Variants in PTPRN2 observed in about 807,000 individuals in gnomAD.
The protein encoded by PTPRN2 is protein tyrosine phosphatase receptor type N2.
PTPRN2 carries 74 observed loss-of-function variants against 118.8 expected under a neutral mutation model. The observed-to-expected ratio is 0.62, with a 90% CI of 0.52 to 0.76. PTPRN2 has a LOEUF of 0.76. Ranked by LOEUF, PTPRN2 falls within the 30% of genes least tolerant of loss-of-function variation. The pLI is 0.00. For synonymous variants in PTPRN2, 641 were observed against 608.0 expected, an observed-to-expected ratio of 1.05 and a Z score of -0.80; for missense variants, 1,481 against 1,394.4, an observed-to-expected ratio of 1.06 and a Z score of -0.99.
In PTPRN2 at chr7:157,764,107, T is replaced by C. The variant is rs1802306250; in HGVS notation, c.1789-81170A>G. Among the ~76,000 whole-genome samples the C allele has an allele frequency of 6.6e-6, 1 of 152,128 alleles. No individual in the cohort carries two copies. The highest frequency in any genetic ancestry group is 2.4e-5 in the African/African-American group (1 of 41,430). On this transcript the variant is annotated intron_variant, in intron 12 of 22. Transcript: ENST00000389418. This position sits in a 1 kb window ranked among gnomAD's most constrained non-coding sequence, Gnocchi z 4.5. ...CACAACAAAAACGTGCTGGCGAGAA[T>C]GCTGAGGAATCGTAACTGGCACACT...
intron 11 of PTPRN2, among the ~76,000 whole-genome samples, chr7:158,002,027 C>T (rs1339396610): frequency 6.6e-6 from 1 of 152,216 alleles, no homozygotes; most frequent in Non-Finnish European, 1.5e-5. Flanking sequence ...TCAGAAATGG[C>T]ACTTAGTGCC....
intron 2 of PTPRN2, among the ~76,000 whole-genome samples, chr7:158,455,920 C>G (rs112442382): frequency 9.2e-6 from 1 of 109,206 alleles, no homozygotes; most frequent in Non-Finnish European, 2.0e-5. Context: ...ACAGCATGGA[C>G]GCCATTGGCC....
At chr7:158,247,977 G>A (rs1796369973) in intron 3 of PTPRN2, among the ~76,000 whole-genome samples, 1 of 152,104 alleles carries the variant, frequency 6.6e-6, no homozygotes, top group South Asian at 2.1e-4. Flanking sequence ...GGAGCGGGAG[G>A]GGGAGGCCTT....
intron 21 of PTPRN2, among the ~76,000 whole-genome samples, chr7:157,559,963 T>C (rs1208702108): frequency 6.6e-6 from 1 of 151,820 alleles, no homozygotes; most frequent in South Asian, 2.1e-4. Flanking sequence ...AAGGCCTGTG[T>C]TGGAGGGAGG....
intron 12 of PTPRN2, among the ~76,000 whole-genome samples, chr7:157,897,905 G>A (rs1177085096): frequency 6.6e-6 from 1 of 152,272 alleles, no homozygotes; most frequent in African/African-American, 2.4e-5. Flanking sequence ...ACGCGGGAGC[G>A]CAGATTGGCT....
rs531550189 is a variant in PTPRN2 at position 157,929,035 on chromosome 7, C to T, written c.1724-30298G>A. On this transcript the variant is annotated intron_variant, in intron 11 of 22. Coordinates refer to ENST00000389418, the MANE Select transcript of PTPRN2 (RefSeq NM_002847.5). The surrounding 1 kb of genome is among the most constrained non-coding windows in gnomAD (Gnocchi z 4.4). ...TGGAGATGGTTTAACCTCACATGCC[C>T]ACTTTAGAGGCAGGAGAGTGGGGTC... Among the ~76,000 whole-genome samples, 1 of 152,250 alleles carries T rather than the reference C, an allele frequency of 6.6e-6. No individual in the cohort carries two copies. The highest frequency in any genetic ancestry group is 2.1e-4 in the South Asian group (1 of 4,830).
chr7:158,364,957 C>T (rs1298591535), intron 2 of PTPRN2, among the ~76,000 whole-genome samples: 1 of 140,766 alleles, frequency 7.1e-6, no homozygotes, highest in Non-Finnish European at 1.5e-5. Context: ...TGCACATATG[C>T]GTGTGCACCC....
chr7:157,548,108 T>C (rs1354190332), intron 22 of PTPRN2, among the ~76,000 whole-genome samples: 1 of 152,098 alleles, frequency 6.6e-6, no homozygotes, highest in Non-Finnish European at 1.5e-5. Context: ...ATTTTTTGCT[T>C]GGGAGGCTGA....
At chr7:157,773,530 T>G (rs1164435505) in intron 12 of PTPRN2, among the ~76,000 whole-genome samples, 1 of 152,232 alleles carries the variant, frequency 6.6e-6, no homozygotes, top group Non-Finnish European at 1.5e-5. Context: ...ATCAGCCCGC[T>G]GCGAGGGCCA....
chr7:157,541,533 C>G (rs1488944238), intron 22 of PTPRN2, among the ~76,000 whole-genome samples: 1 of 152,256 alleles, frequency 6.6e-6, no homozygotes, highest in Non-Finnish European at 1.5e-5. Flanking sequence ...TCTGCCTCCT[C>G]TCCCACAGAT....
intron 13 of PTPRN2, among the ~76,000 whole-genome samples, chr7:157,677,435 C>T (rs1796721806): frequency 6.6e-6 from 1 of 152,174 alleles, no homozygotes; most frequent in African/African-American, 2.4e-5. Flanking sequence ...TTCGAGACTT[C>T]ATTGTTCTCT....
At chr7:158,584,041 T>C (rs933211573) in intron 1 of PTPRN2, among the ~76,000 whole-genome samples, 1 of 152,104 alleles carries the variant, frequency 6.6e-6, no homozygotes. Flanking sequence ...CCCTGGTGAA[T>C]GAAAAGTCTG....
At chr7:157,680,566 C>T (rs547452184) in intron 13 of PTPRN2, among the ~76,000 whole-genome samples, 12 of 152,354 alleles carry the variant, frequency 7.9e-5, no homozygotes, top group African/African-American at 2.6e-4. Flanking sequence ...AACAATCATA[C>T]AGTCCCATCC....
chr7:158,189,837 A>G (rs940732457), intron 5 of PTPRN2, among the ~76,000 whole-genome samples: 1 of 152,240 alleles, frequency 6.6e-6, no homozygotes, highest in East Asian at 1.9e-4. Flanking sequence ...ATAAAGACAC[A>G]GCGGGGCAGA....
chr7:158,459,689 G>C (rs1300079437), intron 2 of PTPRN2, among the ~76,000 whole-genome samples: 1 of 152,166 alleles, frequency 6.6e-6, no homozygotes, highest in East Asian at 1.9e-4. Context: ...CATGGTGCTG[G>C]GCCCTGCCGT....
intron 3 of PTPRN2, among the ~76,000 whole-genome samples, chr7:158,232,324 A>G (rs1471815236): frequency 3.3e-5 from 5 of 152,136 alleles, no homozygotes; most frequent in Non-Finnish European, 5.9e-5. Flanking sequence ...AATTATAAAC[A>G]ACTGCATGCT....
At chr7:157,586,195 CT>C (rs1800661722) in intron 17 of PTPRN2, among the ~76,000 whole-genome samples, 1 of 152,160 alleles carries the variant, frequency 6.6e-6, no homozygotes, top group Non-Finnish European at 1.5e-5. Context: ...ATGAACACAA[CT>C]CTCATGTTAA....
At position 158,015,136 on chromosome 7, in the gene PTPRN2, A is replaced by C. The variant is rs1806353843; in HGVS notation, c.1723+66162T>G. Among the ~76,000 whole-genome samples, 1 of 152,188 alleles carries C rather than the reference A, an allele frequency of 6.6e-6. No homozygotes were observed. Among genetic ancestry groups the C allele is most frequent in the African/African-American group, 2.4e-5 (1 of 41,454 alleles). ...CAGATAGAGCAGAGGGAAACAATTC[A>C]GCTCCAGATACCCAGGGGGTCTAGG... is the stretch of plus-strand genomic sequence containing the variant. On this transcript the variant is annotated intron_variant, in intron 11 of 22. Transcript: ENST00000389418. The surrounding 1 kb of genome is among the most constrained non-coding windows in gnomAD (Gnocchi z 4.2).
Position 157,676,281 on chromosome 7 carries a change from C to T in PTPRN2, c.2001+6444G>A, listed in dbSNP as rs1489181531. Among the ~76,000 whole-genome samples, 1 of 152,152 alleles carries T rather than the reference C, an allele frequency of 6.6e-6. No individual in the cohort carries two copies. The highest frequency in any genetic ancestry group is 1.9e-4 in the East Asian group (1 of 5,188). ...CCCTACCCTGCAGATGGCTCCAGCA[C>T]CTGCCCCAGCCACGCCTCCATCTCC... is the stretch of plus-strand genomic sequence containing the variant. On this transcript the variant is annotated intron_variant, in intron 13 of 22. Coordinates refer to ENST00000389418, the MANE Select transcript of PTPRN2 (RefSeq NM_002847.5). This position sits in a 1 kb window ranked among gnomAD's most constrained non-coding sequence, Gnocchi z 5.6.
Sources: allele counts gnomAD v4.1 joint callset (sites outside exome capture counted in the v4.1 genomes callset), GRCh38; gene constraint gnomAD v4.1.1; non-coding constraint Gnocchi (gnomAD v3.1); transcripts MANE v1.5; gene names NCBI Gene and HGNC (gene_info 2026-07-23, HGNC 2026-07-21).